Variants in RORA observed in about 807,000 individuals in gnomAD.
RORA encodes the protein nuclear receptor ROR-alpha.
RORA carries 7 observed loss-of-function variants against 69.5 expected under a neutral mutation model. The observed-to-expected ratio is 0.10, with a 90% confidence interval of 0.06 to 0.19. The LOEUF (loss-of-function observed/expected upper bound fraction) is 0.19. Ranked by LOEUF, RORA falls within the 10% of genes least tolerant of loss-of-function variation. The pLI, the probability that RORA is intolerant of heterozygous loss-of-function variation, is 1.00. For missense variants in RORA, 457 were observed against 663.0 expected, an observed-to-expected ratio of 0.69 and a Z score of 3.41; for synonymous variants, 261 against 240.8, an observed-to-expected ratio of 1.08 and a Z score of -0.78.
At chr15:60,929,086 T>C (rs917434003) in intron 1 of RORA, among the ~76,000 whole-genome samples, 21 of 152,194 alleles carry the variant, frequency 1.4e-4, no homozygotes, top group African/African-American at 5.1e-4. Flanking sequence ...GAGCATTGTA[T>C]GGTGCCCCTG....
At chr15:61,091,390 C>G (rs2078704267) in intron 1 of RORA, among the ~76,000 whole-genome samples, 1 of 152,158 alleles carries the variant, frequency 6.6e-6, no homozygotes, top group African/African-American at 2.4e-5. Context: ...AAATTGCCAT[C>G]AAAATGGGCG....
intron 1 of RORA, among the ~76,000 whole-genome samples, chr15:60,955,755 C>T (rs1392854121): frequency 6.6e-6 from 1 of 152,148 alleles, no homozygotes; most frequent in Non-Finnish European, 1.5e-5. Context: ...AGGAGTCAGG[C>T]CCAAACAAGA....
intron 1 of RORA, among the ~76,000 whole-genome samples, chr15:60,747,870 A>T (rs79206771): frequency 0.028 from 4,188 of 152,286 alleles, 201 homozygotes; most frequent in East Asian, 0.14. Flanking sequence ...GAAAGAAAAA[A>T]AATAATAATG....
chr15:60,773,316 T>C (rs2072106435), intron 1 of RORA, among the ~76,000 whole-genome samples: 1 of 152,210 alleles, frequency 6.6e-6, no homozygotes, highest in Non-Finnish European at 1.5e-5. Flanking sequence ...GAAAACCTTT[T>C]TTTTCTCTCT....
At chr15:60,938,676 G>T (rs917040713) in intron 1 of RORA, among the ~76,000 whole-genome samples, 1 of 152,118 alleles carries the variant, frequency 6.6e-6, no homozygotes, top group Non-Finnish European at 1.5e-5. Flanking sequence ...GAGGCAAGAA[G>T]GTTTGCTTGA....
At chr15:60,762,542 TACAC>T (rs147805564) in intron 1 of RORA, among the ~76,000 whole-genome samples, 2 of 151,162 alleles carry the variant, frequency 1.3e-5, no homozygotes, top group Non-Finnish European at 3.0e-5. Flanking sequence ...ACACACACAG[TACAC>T]ACACACACAC....
intron 2 of RORA, among the ~76,000 whole-genome samples, chr15:60,581,442 G>C (rs896835526): frequency 6.6e-6 from 1 of 152,200 alleles, no homozygotes; most frequent in African/African-American, 2.4e-5. Context: ...AAAGTTGCTT[G>C]ATGTTACGGA....
chr15:61,135,811 G>T (rs1461744982), intron 1 of RORA, among the ~76,000 whole-genome samples: 2 of 152,084 alleles, frequency 1.3e-5, no homozygotes, highest in Non-Finnish European at 2.9e-5. Flanking sequence ...AACCACACAT[G>T]GTCTCACATT....
intron 1 of RORA, among the ~76,000 whole-genome samples, chr15:61,127,264 G>T (rs1403139165): frequency 6.6e-6 from 1 of 152,130 alleles, no homozygotes; most frequent in Non-Finnish European, 1.5e-5. Context: ...CATGGAGTAA[G>T]TTTAATAATA....
Position 60,647,368 on chromosome 15 carries a change from A to G in RORA, c.196+31289T>C, listed in dbSNP as rs371574572. On this transcript the variant is annotated intron_variant, in intron 2 of 10. Coordinates refer to ENST00000335670, the MANE Select transcript of RORA (RefSeq NM_134261.3). ...AAGACAGAGACTTATGAAGCCCTGC[A>G]TAGGTGACACCCGAAATCTGCCTGG... is the stretch of plus-strand genomic sequence containing the variant. 3.0e-4 allele frequency among the ~76,000 whole-genome samples: 45 copies of G among 152,354 alleles called. 1 individual carries two copies. The East Asian group carries it at 8.3e-3, about 28-fold the overall frequency.
intron 1 of RORA, among the ~76,000 whole-genome samples, chr15:60,751,442 AGCATTTAGTAGACCAGGC>A (rs2071722083): frequency 6.6e-6 from 1 of 152,246 alleles, no homozygotes. Context: ...ACGATAAGCT[AGCATTTAGTAGACCAGGC>A]GCTATGCCAA....
At chr15:60,786,720 C>T (rs554245214) in intron 1 of RORA, among the ~76,000 whole-genome samples, 2 of 152,354 alleles carry the variant, frequency 1.3e-5, no homozygotes, top group Admixed American at 1.3e-4. Context: ...TGAGGTCTGT[C>T]ATTCCTCCAG....
chr15:61,157,272 T>A (rs2079452814), intron 1 of RORA, among the ~76,000 whole-genome samples: 1 of 152,128 alleles, frequency 6.6e-6, no homozygotes, highest in African/African-American at 2.4e-5. Context: ...GTAGGCAACA[T>A]CATGAATATT....
intron 1 of RORA, chr15:61,181,310 A>G (rs892883106): frequency 9.9e-5 from 15 of 152,282 alleles, no homozygotes; most frequent in African/African-American, 3.6e-4. Flanking sequence ...TTAAACAGCC[A>G]CTAAAGAGAG....
chr15:60,773,678 G>A (rs1384348672), intron 1 of RORA, among the ~76,000 whole-genome samples: 1 of 152,180 alleles, frequency 6.6e-6, no homozygotes, highest in African/African-American at 2.4e-5. Flanking sequence ...CTTAGTGAAG[G>A]TCACACAGTG....
Position 61,213,025 on chromosome 15 carries a change from C to T in RORA, c.166+16028G>A, listed in dbSNP as rs1335464874. Among the ~76,000 whole-genome samples, 3 of 152,130 alleles carry T rather than the reference C, an allele frequency of 2.0e-5. No homozygotes were observed. Among genetic ancestry groups the T allele is most frequent in the East Asian group, 1.9e-4 (1 of 5,182 alleles). ...GCCACATGTAACATATTGTCACCTG[C>T]TCCCTGCTAGACCCCCATTCCCCGC... On this transcript the variant is annotated intron_variant, in intron 1 of 10. Transcript: ENST00000335670. This position sits in a 1 kb window ranked among gnomAD's most constrained non-coding sequence, Gnocchi z 4.1.
intron 3 of RORA, chr15:60,529,576 G>A (rs1380644510): frequency 6.6e-6 from 1 of 152,200 alleles, no homozygotes; most frequent in East Asian, 1.9e-4. Context: ...ACAGATAACT[G>A]AAAACCACTT....
At chr15:60,536,815 G>A (rs981032364) in intron 2 of RORA, among the ~76,000 whole-genome samples, 5 of 152,170 alleles carry the variant, frequency 3.3e-5, no homozygotes, top group African/African-American at 4.8e-5. Context: ...TTGCAAAAAC[G>A]GTCAAAAACT....
intron 1 of RORA, among the ~76,000 whole-genome samples, chr15:61,135,591 A>AG: frequency 6.6e-6 from 1 of 150,812 alleles, no homozygotes; most frequent in African/African-American, 2.4e-5. Flanking sequence ...AAAAAAAAAA[A>AG]AAAAAAACCA....
Sources: gnomAD v4.1 joint callset for allele counts (sites outside exome capture counted in the v4.1 genomes callset) on GRCh38, gnomAD v4.1.1 for gene constraint, Gnocchi (gnomAD v3.1) non-coding constraint, MANE v1.5 for transcripts, NCBI Gene and HGNC (gene_info 2026-07-23, HGNC 2026-07-21) for gene names.